GNB1: variants seen among roughly 807,000 people sequenced by gnomAD.
GNB1 encodes G protein subunit beta 1, also known as guanine nucleotide-binding protein G(I)/G(S)/G(T) subunit beta-1.
GNB1 carries 2 observed loss-of-function variants against 42.9 expected under a neutral mutation model. The ratio of observed to expected loss-of-function variants is 0.05; its 90% confidence interval spans 0.02 to 0.15. The LOEUF (loss-of-function observed/expected upper bound fraction) is 0.15. Among genes scored for constraint, GNB1 ranks in the 10% least tolerant of loss-of-function variants. The pLI, the probability that GNB1 is intolerant of heterozygous loss-of-function variation, is 1.00. For missense variants in GNB1, 193 were observed against 462.2 expected, an observed-to-expected ratio of 0.42 and a Z score of 5.34; for synonymous variants, 183 against 174.7, an observed-to-expected ratio of 1.05 and a Z score of -0.38.
intron 1 of GNB1, among the ~76,000 whole-genome samples, chr1:1,885,414 A>C (rs1027735464): frequency 2.1e-5 from 3 of 143,900 alleles, no homozygotes; most frequent in Non-Finnish European, 4.6e-5. Flanking sequence ...ACTCCATCTC[A>C]AAAAAAAAAG....
chr1:1,791,739 A>G (rs1205236741), intron 8 of GNB1, among the ~76,000 whole-genome samples: 1 of 152,228 alleles, frequency 6.6e-6, no homozygotes, highest in Non-Finnish European at 1.5e-5. Context: ...CTGCACAGGG[A>G]GCCTCCTCTC....
At position 1,785,886 on chromosome 1, in the gene GNB1, A is replaced by C. The variant is rs892138112; in HGVS notation, c.*1177T>G. ...AGAGCCGCGCGCTGTACTGCTTCCG[A>C]TATGTGCCACAGAGCAGCAACGAGA... On this transcript the variant is annotated 3_prime_UTR_variant, in exon 12 of 12. Transcript: ENST00000378609. 3 of 398,408 alleles carry C rather than the reference A, an allele frequency of 7.5e-6. No homozygotes were observed. The highest frequency in any genetic ancestry group is 4.1e-5 in the African/African-American group (2 of 48,468). The allele number at this position is 398,408 out of a possible 1,614,324, so 24.7% of individuals were successfully genotyped here.
intron 1 of GNB1, among the ~76,000 whole-genome samples, chr1:1,842,554 T>G (rs767308359): frequency 9.2e-5 from 14 of 151,992 alleles, no homozygotes; most frequent in Non-Finnish European, 1.9e-4. Context: ...CCCATTTACA[T>G]GAAATATCCG....
rs984139062 is a variant in GNB1 at position 1,806,481 on chromosome 1, G to A, written c.261C>T (p.Thr87=). Residue 87 remains threonine (T), a synonymous_variant, in exon 6 of 12, where the codon ACC becomes ACT. Transcript: ENST00000378609. ...GGAATCCTCCAGTCCCTACCTTGTT[G>A]GTGGTGTAGCTGTCCCAGATGATAA... is the stretch of plus-strand genomic sequence containing the variant. ...GKLIIWDSYT[T]NKVHAIPLRS... The A allele has an allele frequency of 1.7e-5, 27 of 1,597,468 alleles. 1 individual carries two copies. Among genetic ancestry groups the A allele is most frequent in the Non-Finnish European group, 2.2e-5 (26 of 1,165,096 alleles).
intron 1 of GNB1, among the ~76,000 whole-genome samples, chr1:1,845,044 T>C (rs1207609931): frequency 6.6e-6 from 1 of 152,180 alleles, no homozygotes; most frequent in Non-Finnish European, 1.5e-5. Flanking sequence ...TCTTCAACTA[T>C]ATATGATCAT....
At chr1:1,804,276 G>C in intron 7 of GNB1, 143 bp downstream of exon 7, 1 of 586,140 alleles carries the variant, frequency 1.7e-6, no homozygotes, top group Non-Finnish European at 2.9e-6. Flanking sequence ...TCCAGCCTGG[G>C]TGACAGAGCG....
chr1:1,789,397 A>G, intron 9 of GNB1, 128 bp from the exon 10 acceptor site: 1 of 643,126 alleles, frequency 1.6e-6, no homozygotes, highest in South Asian at 1.8e-5. Context: ...TGCTCTGGTA[A>G]GAACAGAGGG....
intron 1 of GNB1, among the ~76,000 whole-genome samples, chr1:1,856,451 CAG>C (rs1409666003): frequency 6.6e-6 from 1 of 151,852 alleles, no homozygotes; most frequent in Non-Finnish European, 1.5e-5. Context: ...TTTTTTGAGA[CAG>C]AGTCTCGCTC....
At chr1:1,861,927 G>A (rs1295776467) in intron 1 of GNB1, among the ~76,000 whole-genome samples, 1 of 152,130 alleles carries the variant, frequency 6.6e-6, no homozygotes, top group Non-Finnish European at 1.5e-5. Flanking sequence ...GAGGCCGGGC[G>A]CAGTGGCTCA....
intron 8 of GNB1, among the ~76,000 whole-genome samples, chr1:1,792,611 T>C (rs1358065197): frequency 6.7e-6 from 1 of 149,778 alleles, no homozygotes; most frequent in Admixed American, 6.7e-5. Context: ...GAGGGGAGAA[T>C]TGCTTGAATC....
chr1:1,880,591 A>AT (rs1257604811), intron 1 of GNB1, among the ~76,000 whole-genome samples: 1 of 151,676 alleles, frequency 6.6e-6, no homozygotes, highest in Admixed American at 6.6e-5. Context: ...ATCTCAAAAA[A>AT]AAAATATATA....
intron 2 of GNB1, among the ~76,000 whole-genome samples, chr1:1,826,491 G>A (rs560744916): frequency 1.4e-4 from 22 of 152,242 alleles, no homozygotes; most frequent in African/African-American, 4.8e-4. Context: ...TTCAGGGAAC[G>A]GGGGTGAGTG....
At chr1:1,867,469 A>G (rs1046605413) in intron 1 of GNB1, among the ~76,000 whole-genome samples, 1 of 152,146 alleles carries the variant, frequency 6.6e-6, no homozygotes, top group African/African-American at 2.4e-5. Flanking sequence ...GGCTACTGAC[A>G]ATTTTTTGCT....
intron 1 of GNB1, among the ~76,000 whole-genome samples, chr1:1,841,864 A>C (rs937157600): frequency 6.6e-6 from 1 of 152,188 alleles, no homozygotes; most frequent in Admixed American, 6.5e-5. Flanking sequence ...TTCCCAAAAG[A>C]ACTGAAAGCA....
chr1:1,846,751 G>GGT (rs1397333268), intron 1 of GNB1, among the ~76,000 whole-genome samples: 1 of 151,994 alleles, frequency 6.6e-6, no homozygotes, highest in Non-Finnish European at 1.5e-5. Flanking sequence ...ATGGAGAGAG[G>GGT]GTCTCACTAT....
At chr1:1,833,571 C>A (rs1570687173) in intron 2 of GNB1, among the ~76,000 whole-genome samples, 4 of 152,192 alleles carry the variant, frequency 2.6e-5, no homozygotes, top group African/African-American at 9.7e-5. Flanking sequence ...TGGTGCTGAG[C>A]AGCATGAACC....
chr1:1,858,628 T>G (rs1271917731), intron 1 of GNB1, among the ~76,000 whole-genome samples: 1 of 152,208 alleles, frequency 6.6e-6, no homozygotes, highest in Non-Finnish European at 1.5e-5. Context: ...GCCCAGACTG[T>G]GGGCCATGAA....
chr1:1,795,427 C>T (rs1262992664), intron 7 of GNB1, among the ~76,000 whole-genome samples: 2 of 152,188 alleles, frequency 1.3e-5, no homozygotes, highest in Admixed American at 1.3e-4. Context: ...CTGCATCTCA[C>T]ACAGGGGACC....
chr1:1,814,167 A>G (rs1015289431), intron 5 of GNB1, among the ~76,000 whole-genome samples: 2 of 152,058 alleles, frequency 1.3e-5, no homozygotes, highest in Non-Finnish European at 2.9e-5. Context: ...GGGGAATTGT[A>G]TGGGATACTA....
Sources: gnomAD v4.1 joint callset for allele counts (sites outside exome capture counted in the v4.1 genomes callset) on GRCh38, gnomAD v4.1.1 for gene constraint, MANE v1.5 for transcripts, NCBI Gene and HGNC (gene_info 2026-07-23, HGNC 2026-07-21) for gene names.